The following CEP290 variants were observed in gnomAD, a reference collection of about 807,000 sequenced individuals.
The protein encoded by CEP290 is centrosomal protein 290, also known as centrosomal protein of 290 kDa.
A neutral mutation model predicts 344.9 loss-of-function variants in CEP290; 317 were observed. That is an observed-to-expected ratio of 0.92 (90% CI 0.84 to 1.01). CEP290 has a LOEUF of 1.01. CEP290 is among the 50% of genes least tolerant of loss of function. The pLI is 0.00. For missense variants in CEP290, 2,754 were observed against 2,761.4 expected, an observed-to-expected ratio of 1.00 and a Z score of 0.06; for synonymous variants, 932 against 895.8, an observed-to-expected ratio of 1.04 and a Z score of -0.72.
intron 6 of CEP290, among the ~76,000 whole-genome samples, chr12:88,134,444 T>C (rs2040245636): frequency 6.6e-6 from 1 of 152,212 alleles, no homozygotes; most frequent in Non-Finnish European, 1.5e-5. Context: ...TTTTAAAGTA[T>C]AGATCTGATC....
intron 18 of CEP290, chr12:88,115,916 T>G: frequency 1.0e-6 from 1 of 984,572 alleles, no homozygotes; most frequent in Non-Finnish European, 1.2e-6. Context: ...TCTGTAAGGG[T>G]ACTTCACTTT....
At chr12:88,097,208 G>T (rs2037494636) in intron 26 of CEP290, among the ~76,000 whole-genome samples, 1 of 151,882 alleles carries the variant, frequency 6.6e-6, no homozygotes, top group South Asian at 2.1e-4. Flanking sequence ...TACTGATATG[G>T]TTTGGCTGTG....
Position 88,111,274 on chromosome 12 carries a change from T to G in CEP290, c.2295A>C (p.Leu765Phe), listed in dbSNP as rs2038669146. Residue 765 changes from leucine to phenylalanine, a missense_variant, in exon 22 of 54, where the codon TTA (leucine) becomes TTC (phenylalanine). By Grantham distance (22) the Leu-to-Phe change is conservative. Transcript: ENST00000552810. ...CACTAGATGGTGCTATCCCATCAGG[T>G]AAGTCAATTCCTTTAAAAACAACAT... ...GSNVVFKGID[L>F]PDGIAPSSAS... is the part of the protein sequence containing the mutation. 6.4e-7 allele frequency: 1 copy of G among 1,551,476 alleles called. No individual in the cohort carries two copies.
In CEP290 at chr12:88,087,820, G is replaced by A. The variant is rs1167762537; in HGVS notation, c.4154C>T (p.Thr1385Ile). ...LNNIISEYER[T>I]ISSLEEEIVQ... ...AATTTCTTCTTCAAGACTGCTGATT[G>A]TACGTTCATATTCAGAAATTATGTT... is the stretch of plus-strand genomic sequence containing the variant. Residue 1385 changes from threonine to isoleucine, a missense_variant, in exon 32 of 54, where the codon ACA (threonine) becomes ATA (isoleucine). Physicochemically the swap from Thr to Ile is moderately conservative, Grantham distance 89. Transcript: ENST00000552810. 3.9e-6 allele frequency: 5 copies of A among 1,276,166 alleles called. No homozygotes were observed. Among genetic ancestry groups the A allele is most frequent in the Non-Finnish European group, 5.0e-6 (5 of 993,002 alleles). 79.1% of individuals were successfully genotyped at this position (1,276,166 alleles called of 1,614,324 possible). A position where few individuals can be genotyped will look rare whatever the true frequency, so the allele number is the denominator to read the frequency against.
intron 7 of CEP290, 116 bp from the exon 8 acceptor site, chr12:88,130,681 C>G (rs910450875): frequency 1.5e-6 from 1 of 689,414 alleles, no homozygotes. Context: ...TGCATATTAT[C>G]TTGAATAACC....
intron 5 of CEP290, among the ~76,000 whole-genome samples, chr12:88,137,811 C>G (rs1047028558): frequency 6.6e-6 from 1 of 152,118 alleles, no homozygotes; most frequent in East Asian, 1.9e-4. Flanking sequence ...TCTAGGTTTA[C>G]CCCACCCTGC....
In CEP290 at chr12:88,093,930, C is replaced by T. The variant is rs1379160939; in HGVS notation, c.3149G>A (p.Ser1050Asn). Reference protein sequence around the residue: ...MDKAKKSITNSDIVSISKKIT... With the variant: ...MDKAKKSITNNDIVSISKKIT... ...TTTTTTTGAAATGGAAACAATGTCA[C>T]TGTTGGTTATTGATTTCTTTGCCTT... is the stretch of plus-strand genomic sequence containing the variant. The change falls in exon 28 of 54, where the codon AGT becomes AAT. Residue 1050 changes from serine (S) to asparagine (N), a missense_variant. Transcript: ENST00000552810. The T allele has an allele frequency of 6.2e-7, 1 of 1,612,268 alleles. No homozygotes were observed. Among genetic ancestry groups the T allele is most frequent in the East Asian group, 2.2e-5 (1 of 44,808 alleles).
chr12:88,132,314 C>T (rs1019267923), intron 6 of CEP290, among the ~76,000 whole-genome samples: 3 of 152,000 alleles, frequency 2.0e-5, no homozygotes, highest in African/African-American at 7.3e-5. Context: ...TGGTATACAA[C>T]GATATTTAAA....
chr12:88,078,346 G>C (rs1165002528), intron 39 of CEP290, among the ~76,000 whole-genome samples: 2 of 151,948 alleles, frequency 1.3e-5, no homozygotes. Flanking sequence ...GATATAAAAG[G>C]GTAACTTACA....
rs749826807 is a variant in CEP290, at chr12:88,062,734, TTTC to T, written c.6312_6314del (p.Lys2105del). ...GTTTCCGCTGAACTTCTGCTTTTTCTTTCTTAAGAAATTCACACATTTCCTTCA... is the reference window on the plus strand; with the variant it reads ...GTTTCCGCTGAACTTCTGCTTTTTCTTTAAGAAATTCACACATTTCCTTCA... On this transcript the variant is annotated inframe_deletion, in exon 46 of 54. Transcript: ENST00000552810. 2 of 1,600,456 alleles carry T rather than the reference TTTC, an allele frequency of 1.2e-6. No homozygotes were observed. The highest frequency in any genetic ancestry group is 2.7e-5 in the African/African-American group (2 of 74,928).
At chr12:88,106,534 A>T in intron 25 of CEP290, 141 bp downstream of exon 25, 1 of 599,410 alleles carries the variant, frequency 1.7e-6, no homozygotes, top group Non-Finnish European at 2.8e-6. Flanking sequence ...CATCCCACAA[A>T]AATCAGAAGA....
At chr12:88,141,844 C>CT in intron 1 of CEP290, 56 bp downstream of exon 1, 1 of 152,634 alleles carries the variant, frequency 6.6e-6, no homozygotes, top group Non-Finnish European at 1.5e-5. Context: ...GGCCCTCAGG[C>CT]TAAAGAACCT....
intron 11 of CEP290, among the ~76,000 whole-genome samples, chr12:88,128,550 C>T (rs1213578681): frequency 6.6e-6 from 1 of 152,106 alleles, no homozygotes; most frequent in East Asian, 1.9e-4. Context: ...TATTCCCATT[C>T]CCACTGATGA....
chr12:88,128,864 A>G, intron 11 of CEP290, 82 bp downstream of exon 11: 1 of 765,550 alleles, frequency 1.3e-6, no homozygotes, highest in South Asian at 2.0e-5. Flanking sequence ...AACCAGTATA[A>G]GACATTTAAA....
chr12:88,115,289 C>CA lies in CEP290; in HGVS notation c.1825-108dup, dbSNP rs571451215. 912 of 717,270 alleles carry CA rather than the reference C, an allele frequency of 1.3e-3. 13 individuals carry two copies. The South Asian group carries it at 0.013, about 10-fold the overall frequency. The allele number at this position is 717,270 out of a possible 1,614,324, so 44.4% of individuals were successfully genotyped here. On this transcript the variant is annotated intron_variant, in intron 18 of 53. Coordinates refer to ENST00000552810, the MANE Select transcript of CEP290 (RefSeq NM_025114.4). ...ATCAATTAAGTATAACAAAACAAAA[C>CA]AAAAAAAACGAGCTATGAAGACATA...
At position 88,055,723 on chromosome 12, in the gene CEP290, A is replaced by T; in HGVS notation, c.6819-6T>A. The T allele has an allele frequency of 6.7e-7, 1 of 1,481,952 alleles. No homozygotes were observed. Among genetic ancestry groups the T allele is most frequent in the Non-Finnish European group, 9.0e-7 (1 of 1,107,972 alleles). The allele number at this position is 1,481,952 out of a possible 1,614,324, so 91.8% of individuals were successfully genotyped here. On this transcript the variant is annotated splice_polypyrimidine_tract_variant and splice_region_variant and intron_variant, in intron 49 of 53. Coordinates refer to ENST00000552810, the MANE Select transcript of CEP290 (RefSeq NM_025114.4). ...TTAACTTGGTTTCATACATTCTAAAAGTATAAGGAAAAAAAGTATAGACAT... is the reference window on the plus strand; with the variant it reads ...TTAACTTGGTTTCATACATTCTAAATGTATAAGGAAAAAAAGTATAGACAT...
At position 88,060,817 on chromosome 12, in the gene CEP290, T is replaced by TAAA; in HGVS notation, c.6522+10_6522+12dup. On this transcript the variant is annotated intron_variant, in intron 47 of 53. Coordinates refer to ENST00000552810, the MANE Select transcript of CEP290 (RefSeq NM_025114.4). ...AATATTCCCCTAAAAATGATCACATTAAAAAAAATTACCTTCAATTTTTCA... is the reference window on the plus strand; with the variant it reads ...AATATTCCCCTAAAAATGATCACATTAAAAAAAAAAATTACCTTCAATTTTTCA... 7.1e-7 allele frequency: 1 copy of TAAA among 1,418,214 alleles called. No homozygotes were observed. Among genetic ancestry groups the TAAA allele is most frequent in the Non-Finnish European group, 9.4e-7 (1 of 1,058,750 alleles). The allele number at this position is 1,418,214 out of a possible 1,614,324, so 87.9% of individuals were successfully genotyped here.
At chr12:88,070,404 CCTT>C (rs779077141) in intron 43 of CEP290, among the ~76,000 whole-genome samples, 27 of 152,148 alleles carry the variant, frequency 1.8e-4, no homozygotes, top group Non-Finnish European at 3.1e-4. Context: ...TCCAGGTAAA[CCTT>C]CTAATTCTAG....
At chr12:88,068,206 A>T (rs962340735) in intron 44 of CEP290, among the ~76,000 whole-genome samples, 2 of 152,166 alleles carry the variant, frequency 1.3e-5, no homozygotes, top group Admixed American at 1.3e-4. Flanking sequence ...GTCTTGGAAC[A>T]TGTTTTCCTA....
Sources: gnomAD v4.1 joint callset for allele counts (sites outside exome capture counted in the v4.1 genomes callset) on GRCh38, gnomAD v4.1.1 for gene constraint, MANE v1.5 for transcripts, NCBI Gene and HGNC (gene_info 2026-07-23, HGNC 2026-07-21) for gene names.